The following TPM1 variants were observed in gnomAD, a reference collection of about 807,000 sequenced individuals.
The protein encoded by TPM1 is tropomyosin alpha-1 chain.
Under a neutral mutation model 42.9 loss-of-function variants are expected in TPM1, and 24 were observed. That is an observed-to-expected ratio of 0.56 (90% CI 0.41 to 0.79). The LOEUF is 0.79. Among genes scored for constraint, TPM1 ranks in the 30% least tolerant of loss-of-function variants. The pLI is 0.00. For missense variants in TPM1, 158 were observed against 351.8 expected, an observed-to-expected ratio of 0.45 and a Z score of 4.41; for synonymous variants, 136 against 130.1, an observed-to-expected ratio of 1.05 and a Z score of -0.31.
chr15:63,061,808 T>TG lies in TPM1; in HGVS notation c.639+25dup, dbSNP rs1262086896. On this transcript the variant is annotated intron_variant, in intron 6 of 9. Transcript: ENST00000403994. ...GAGAAGGTAGGCCAGGAGGATGGTG[T>TG]GGGGGAAAGGCATCTTTTAAGAGCT... 2 of 1,611,886 alleles carry TG rather than the reference T, an allele frequency of 1.2e-6. No individual in the cohort carries two copies. Among genetic ancestry groups the TG allele is most frequent in the Admixed American group, 3.3e-5 (2 of 59,996 alleles).
At chr15:63,043,259 C>T (rs1000964621) in intron 1 of TPM1, 2 of 511,918 alleles carry the variant, frequency 3.9e-6, no homozygotes, top group Non-Finnish European at 7.3e-6. Context: ...TTCCTGGGGA[C>T]GTTTGAAGGA....
downstream of TPM1, chr15:63,071,050 G>A (rs774411811): frequency 1.4e-5 from 23 of 1,612,744 alleles, no homozygotes; most frequent in African/African-American, 4.0e-5. Flanking sequence ...TGTGTCCAAA[G>A]CACAGCTATT....
At chr15:63,043,120 G>C (rs2031526825) in intron 1 of TPM1, 177 bp downstream of exon 1, 1 of 625,586 alleles carries the variant, frequency 1.6e-6, no homozygotes, top group African/African-American at 1.9e-5. Flanking sequence ...GCCAGGCTTA[G>C]TCTAACTTAG....
downstream of TPM1, chr15:63,070,039 C>T (rs2036520101): frequency 1.3e-6 from 2 of 1,587,460 alleles, no homozygotes; most frequent in African/African-American, 1.3e-5. Context: ...GAGTTGAAAA[C>T]AGTTGCTTTC....
At chr15:63,059,472 T>TA (rs1282723775) in intron 3 of TPM1, 91 bp from the exon 4 acceptor site, 2 of 1,017,840 alleles carry the variant, frequency 2.0e-6, no homozygotes, top group Admixed American at 1.7e-5. Context: ...GTCTACCACT[T>TA]ACACTAAGCC....
intron 2 of TPM1, chr15:63,049,107 C>G: frequency 4.2e-6 from 1 of 237,728 alleles, no homozygotes; most frequent in Non-Finnish European, 8.5e-6. Flanking sequence ...CTTGGAGATC[C>G]GTACTTTGAG....
At chr15:63,047,012 T>G (rs2032523394) in intron 2 of TPM1, 1 of 152,284 alleles carries the variant, frequency 6.6e-6, no homozygotes. Flanking sequence ...AGTTGGCTGC[T>G]TATGGCACTT....
At position 63,066,152 on chromosome 15, in the gene TPM1, T is replaced by TA; in HGVS notation, c.*257dup. ...TTGACATTTTAGTTTCAACATTGAA[T>TA]AAAACTACAAAGCTGCTTCACACAT... On this transcript the variant is annotated 3_prime_UTR_variant, in exon 10 of 10. Transcript: ENST00000403994. 1 of 1,461,564 alleles carries TA rather than the reference T, an allele frequency of 6.8e-7. No homozygotes were observed. The highest frequency in any genetic ancestry group is 8.9e-7 in the Non-Finnish European group (1 of 1,117,964). 90.5% of individuals were successfully genotyped at this position (1,461,564 alleles called of 1,614,324 possible). A position where few individuals can be genotyped will look rare whatever the true frequency, so the allele number is the denominator to read the frequency against.
intron 2 of TPM1, chr15:63,048,063 C>T (rs2032784764): frequency 5.6e-6 from 2 of 356,490 alleles, no homozygotes; most frequent in African/African-American, 2.2e-5. Context: ...TATTCCGGCT[C>T]CAGACCCGCC....
chr15:63,061,062 A>G, intron 5 of TPM1, 123 bp downstream of exon 5: 2 of 1,471,498 alleles, frequency 1.4e-6, no homozygotes, highest in Non-Finnish European at 1.9e-6. Context: ...TGCTCATTTG[A>G]TGTGGATGAG....
At chr15:63,043,981 C>T in intron 1 of TPM1, 46 bp from the exon 2 acceptor site, 2 of 1,599,734 alleles carry the variant, frequency 1.3e-6, no homozygotes, top group Non-Finnish European at 1.7e-6. Context: ...GATCACGCTG[C>T]CTGCTGCACC....
intron 1 of TPM1, chr15:63,043,594 C>G (rs2031672745): frequency 1.3e-6 from 2 of 1,503,792 alleles, no homozygotes; most frequent in South Asian, 1.2e-5. Context: ...TGCACTCCAA[C>G]TCGGCGGCGC....
intron 8 of TPM1, chr15:63,063,215 T>G: frequency 2.0e-6 from 2 of 985,450 alleles, no homozygotes; most frequent in Non-Finnish European, 2.4e-6. Flanking sequence ...ATCCTAAATG[T>G]TGAGCTTTGA....
At chr15:63,043,286 A>G (rs1421901817) in intron 1 of TPM1, 1 of 513,102 alleles carries the variant, frequency 1.9e-6, no homozygotes, top group African/African-American at 1.9e-5. Flanking sequence ...AGGGATGGAG[A>G]AAGGGGGTCG....
At chr15:63,048,302 C>A (rs1229870756) in intron 2 of TPM1, 6 of 867,448 alleles carry the variant, frequency 6.9e-6, no homozygotes, top group Non-Finnish European at 1.0e-5. Context: ...TTTCTCCCCG[C>A]CGCCGCGAGC....
chr15:63,047,967 G>A, intron 2 of TPM1: 13 of 283,936 alleles, frequency 4.6e-5, no homozygotes, highest in South Asian at 3.5e-4. Context: ...CTCTACACGC[G>A]GGTGGTTTTC....
downstream of TPM1, among the ~76,000 whole-genome samples, chr15:63,066,356 G>C (rs538230858): frequency 7.2e-5 from 11 of 152,232 alleles, no homozygotes; most frequent in Middle Eastern, 3.4e-3. Flanking sequence ...CATCTGGGGG[G>C]GTTTTGGGGG....
At position 63,065,036 on chromosome 15, in the gene TPM1, T is replaced by C. The variant is rs1302315896; in HGVS notation, c.852-860T>C. On this transcript the variant is annotated intron_variant, in intron 9 of 9. Transcript: ENST00000403994. ...AACCAAGCCTTTAATTTTGTGTTTTTATGAAAGGAATTAAAATACCCACGA... is the reference window on the plus strand; with the variant it reads ...AACCAAGCCTTTAATTTTGTGTTTTCATGAAAGGAATTAAAATACCCACGA... 6.1e-6 allele frequency: 6 copies of C among 985,400 alleles called. No individual in the cohort carries two copies. The East Asian group carries it at 6.8e-4, about 112-fold the overall frequency. 61.0% of individuals were successfully genotyped at this position (985,400 alleles called of 1,614,324 possible).
chr15:63,051,897 T>G (rs528918999), intron 2 of TPM1, among the ~76,000 whole-genome samples: 38 of 151,676 alleles, frequency 2.5e-4, no homozygotes, highest in South Asian at 2.1e-3. Flanking sequence ...AAAGTTGTTT[T>G]TTTTTTTTTT....
Sources: gnomAD v4.1 joint callset for allele counts (sites outside exome capture counted in the v4.1 genomes callset) on GRCh38, gnomAD v4.1.1 for gene constraint, MANE v1.5 for transcripts, NCBI Gene and HGNC (gene_info 2026-07-23, HGNC 2026-07-21) for gene names.